Variants in LAG3 observed in about 807,000 individuals in gnomAD.
LAG3 encodes the protein lymphocyte activation gene 3 protein.
LAG3 carries 29 observed loss-of-function variants against 49.0 expected under a neutral mutation model. The observed-to-expected ratio is 0.59, with a 90% CI of 0.44 to 0.81. LAG3 has a LOEUF of 0.81. Among genes scored for constraint, LAG3 ranks in the 30% least tolerant of loss-of-function variants. LAG3 has a pLI of 0.00. For missense variants in LAG3, 693 were observed against 695.2 expected (o/e 1.00, Z 0.04); for synonymous variants, 320 against 297.3 (o/e 1.08, Z -0.79).
At position 6,773,092 on chromosome 12, in the gene LAG3, C is replaced by T. The variant is rs896378055; in HGVS notation, c.59-100C>T. On this transcript the variant is annotated intron_variant, in intron 1 of 7. Transcript: ENST00000203629. The surrounding 1 kb of genome is among the most constrained non-coding windows in gnomAD (Gnocchi z 5.5). ...AGAAGAAACAGAAACCCAAGTTCTTCCTGCACCCTGTTTCTCCCTCGGGAA... is the reference window on the plus strand; with the variant it reads ...AGAAGAAACAGAAACCCAAGTTCTTTCTGCACCCTGTTTCTCCCTCGGGAA... 8 of 1,463,014 alleles carry T rather than the reference C, an allele frequency of 5.5e-6. No homozygotes were observed. In the African/African-American group the frequency reaches 7.1e-5, roughly 13 times the overall value. 90.6% of individuals were successfully genotyped at this position (1,463,014 alleles called of 1,614,324 possible). A position where few individuals can be genotyped will look rare whatever the true frequency, so the allele number is the denominator to read the frequency against.
chr12:6,776,897 G>T (rs561631850), intron 5 of LAG3, among the ~76,000 whole-genome samples: 1 of 152,268 alleles, frequency 6.6e-6, no homozygotes, highest in Admixed American at 6.5e-5. Flanking sequence ...TAGGGAGCCT[G>T]GAAATGTTTT....
In LAG3 at chr12:6,773,981, T is replaced by A; in HGVS notation, c.491T>A (p.Leu164Gln). 1 of 1,441,004 alleles carries A rather than the reference T, an allele frequency of 6.9e-7. No homozygotes were observed. The highest frequency in any genetic ancestry group is 9.0e-7 in the Non-Finnish European group (1 of 1,105,628). The allele number at this position is 1,441,004 out of a possible 1,614,324, so 89.3% of individuals were successfully genotyped here. ...CGCGCCCTCTCCTGCCGCCTCCGTC[T>A]GCGCCTGGGCCAGGCCTCGAGTATG... ...RDRALSCRLR[L>Q]RLGQASMTAS... is the part of the protein sequence containing the mutation. The change falls in exon 3 of 8, where the codon CTG (leucine) becomes CAG (glutamine). Residue 164 changes from leucine to glutamine, a missense_variant. Coordinates refer to ENST00000203629, the MANE Select transcript of LAG3 (RefSeq NM_002286.6). This position sits in a 1 kb window ranked among gnomAD's most constrained non-coding sequence, Gnocchi z 5.5.
Position 6,775,132 on chromosome 12 carries a change from G to C in LAG3, c.782-141G>C, listed in dbSNP as rs935622356. On this transcript the variant is annotated intron_variant, in intron 4 of 7. Transcript: ENST00000203629. ...CTTGCTGGGTTTCTGAGCCTCCTCA[G>C]CTCATCACCTTATTCTGCTCCTTAG... 7 of 1,035,110 alleles carry C rather than the reference G, an allele frequency of 6.8e-6. No homozygotes were observed. The African/African-American group carries it at 9.6e-5, about 14-fold the overall frequency. 64.1% of individuals were successfully genotyped at this position (1,035,110 alleles called of 1,614,324 possible).
chr12:6,775,272 G>A lies in LAG3; in HGVS notation c.782-1G>A, dbSNP rs772698822. 6.2e-7 allele frequency: 1 copy of A among 1,612,302 alleles called. No individual in the cohort carries two copies. Among genetic ancestry groups the A allele is most frequent in the South Asian group, 1.1e-5 (1 of 91,038 alleles). ...AACTTTGGGTTTTCTTTTCTCTTCA[G>A]GTCTGGAGCCCCCAACTCCCTTGAC... is the stretch of plus-strand genomic sequence containing the variant. On this transcript the variant is annotated splice_acceptor_variant, in intron 4 of 7. Coordinates refer to ENST00000203629, the MANE Select transcript of LAG3 (RefSeq NM_002286.6). LOFTEE classifies it high-confidence loss of function.
intron 6 of LAG3, 56 bp downstream of exon 6, chr12:6,777,562 CT>C: frequency 3.8e-6 from 6 of 1,580,560 alleles, no homozygotes; most frequent in Non-Finnish European, 5.2e-6. Flanking sequence ...CTTTATCCTC[CT>C]TCCAGAACAG....
chr12:6,772,801 C>G lies in LAG3; in HGVS notation c.-52C>G. The G allele has an allele frequency of 1.9e-5, 17 of 882,932 alleles. No homozygotes were observed. The highest frequency in any genetic ancestry group is 3.0e-5 in the Non-Finnish European group (17 of 575,606). The allele number at this position is 882,932 out of a possible 1,614,324, so 54.7% of individuals were successfully genotyped here. A position where few individuals can be genotyped will look rare whatever the true frequency, so the allele number is the denominator to read the frequency against. Reference sequence around the variant, plus strand: ...CCCACCCCCCACCACTGCCCCCTTTCCTTTTCTGACCTCCTTTTGGAGGGC... The same window carrying G: ...CCCACCCCCCACCACTGCCCCCTTTGCTTTTCTGACCTCCTTTTGGAGGGC... On this transcript the variant is annotated 5_prime_UTR_variant, in exon 1 of 8. Transcript: ENST00000203629.
chr12:6,774,856 C>A lies in LAG3; in HGVS notation c.773C>A (p.Thr258Asn). ...GFNVSIMYNLTVLGLEPPTPL... is the reference protein window; with the variant it reads ...GFNVSIMYNLNVLGLEPPTPL... ...AACGTCTCCATCATGTATAACCTCA[C>A]TGTTCTGGGTAACTCCCCCACTCTG... The change falls in exon 4 of 8, where the codon ACT becomes AAT. Residue 258 changes from threonine (T) to asparagine (N), a missense_variant. Thr to Asn is a moderately conservative substitution (Grantham distance 65, BLOSUM62 0). Transcript: ENST00000203629. 6.2e-7 allele frequency: 1 copy of A among 1,613,400 alleles called. No individual in the cohort carries two copies. The highest frequency in any genetic ancestry group is 8.5e-7 in the Non-Finnish European group (1 of 1,179,420).
chr12:6,778,134 G>A (rs781241486), intron 7 of LAG3, 110 bp from the exon 8 acceptor site: 83 of 1,312,848 alleles, frequency 6.3e-5, no homozygotes, highest in Non-Finnish European at 7.5e-5. Context: ...CAGATGGGGA[G>A]GGCAGGGGCG....
intron 6 of LAG3, 99 bp downstream of exon 6, chr12:6,777,605 T>C: frequency 1.3e-6 from 2 of 1,503,012 alleles, no homozygotes; most frequent in South Asian, 2.5e-5. Flanking sequence ...CGCTTTTCTT[T>C]CCAGTCAGGG....
In LAG3 at chr12:6,772,843, C is replaced by T; in HGVS notation, c.-10C>T. On this transcript the variant is annotated 5_prime_UTR_variant, in exon 1 of 8. Transcript: ENST00000203629. The stretch of plus-strand genomic sequence containing the variant: ...TTGGAGGGCTCAGCGCTGCCCAGAC[C>T]ATAGGAGAGATGTGGGAGGCTCAGT... 6.2e-7 allele frequency: 1 copy of T among 1,613,004 alleles called. No individual in the cohort carries two copies. The highest frequency in any genetic ancestry group is 1.7e-4 in the Middle Eastern group (1 of 6,024).
At position 6,777,119 on chromosome 12, in the gene LAG3, G is replaced by A. The variant is rs1202604803; in HGVS notation, c.1058-145G>A. On this transcript the variant is annotated intron_variant, in intron 5 of 7. Coordinates refer to ENST00000203629, the MANE Select transcript of LAG3 (RefSeq NM_002286.6). ...AATAAATAGAAAGAAAAAGATGAAC[G>A]TGGCCATGACCCATGATGTCCTTCC... 10 of 768,062 alleles carry A rather than the reference G, an allele frequency of 1.3e-5. No homozygotes were observed. In the South Asian group the frequency reaches 1.4e-4, roughly 11 times the overall value. 47.6% of individuals were successfully genotyped at this position (768,062 alleles called of 1,614,324 possible).
rs529542446 is a variant in LAG3 at position 6,774,416 on chromosome 12, G to C, written c.512-179G>C. Among the ~76,000 whole-genome samples the C allele has an allele frequency of 6.6e-5, 10 of 152,304 alleles. No individual in the cohort carries two copies. In the East Asian group the frequency reaches 1.5e-3, roughly 23 times the overall value. On this transcript the variant is annotated intron_variant, in intron 3 of 7. Coordinates refer to ENST00000203629, the MANE Select transcript of LAG3 (RefSeq NM_002286.6). ...GGGAAAGTGGTCCTGGGGAGTCTTG[G>C]GGATCCACTTTATGCACCTCCAGGT... is the stretch of plus-strand genomic sequence containing the variant.
At chr12:6,775,235 G>A (rs758394704) in intron 4 of LAG3, 38 bp from the exon 5 acceptor site, 3 of 1,593,406 alleles carry the variant, frequency 1.9e-6, no homozygotes, top group Non-Finnish European at 2.6e-6. Context: ...CCCCACTGCA[G>A]CACCCAGCTT....
chr12:6,774,704 C>A lies in LAG3; in HGVS notation c.621C>A (p.Gly207=). Residue 207 remains glycine, a synonymous_variant, in exon 4 of 8, where the codon GGC becomes GGA. Transcript: ENST00000203629. Reference sequence around the variant, plus strand: ...CTGTGCATTGGTTCCGGAACCGGGGCCAGGGCCGAGTCCCTGTCCGGGAGT... The same window carrying A: ...CTGTGCATTGGTTCCGGAACCGGGGACAGGGCCGAGTCCCTGTCCGGGAGT... ...PASVHWFRNR[G]QGRVPVRESP... The A allele has an allele frequency of 6.2e-7, 1 of 1,614,190 alleles. No individual in the cohort carries two copies. The highest frequency in any genetic ancestry group is 1.1e-5 in the South Asian group (1 of 91,084).
rs184057011 is a variant in LAG3 at position 6,777,510 on chromosome 12, C to A, written c.1300+4C>A. 6.2e-7 allele frequency: 1 copy of A among 1,611,884 alleles called. No homozygotes were observed. Among genetic ancestry groups the A allele is most frequent in the Admixed American group, 1.7e-5 (1 of 59,838 alleles). ...TTCACAGAGCTGTCTAGCCCAGGTC[C>A]GAGGCCCCAGAATGCCAGGACCCAA... On this transcript the variant is annotated splice_donor_region_variant and intron_variant, in intron 6 of 7. Transcript: ENST00000203629.
In LAG3 at chr12:6,774,641, T is replaced by C. The variant is rs1350728080; in HGVS notation, c.558T>C (p.Ile186=). 6.2e-7 allele frequency: 1 copy of C among 1,614,122 alleles called. No homozygotes were observed. Among genetic ancestry groups the C allele is most frequent in the South Asian group, 1.1e-5 (1 of 91,086 alleles). The change falls in exon 4 of 8, where the codon ATT becomes ATC. Residue 186 remains isoleucine (I), a synonymous_variant. Transcript: ENST00000203629. ...CTCTCAGAGCCTCCGACTGGGTCAT[T>C]TTGAACTGCTCCTTCAGCCGCCCTG... ...PGSLRASDWV[I]LNCSFSRPDR...
Position 6,778,329 on chromosome 12 carries a change from C to A in LAG3, c.1517C>A (p.Pro506Gln). 6.2e-7 allele frequency: 1 copy of A among 1,612,784 alleles called. No individual in the cohort carries two copies. Among genetic ancestry groups the A allele is most frequent in the Non-Finnish European group, 8.5e-7 (1 of 1,179,638 alleles). ...QSKIEELEQE[P>Q]EPEPEPEPEP... ...AAGATAGAGGAGCTGGAGCAAGAAC[C>A]GGAGCCGGAGCCGGAGCCGGAACCG... is the stretch of plus-strand genomic sequence containing the variant. Residue 506 changes from proline (P) to glutamine (Q), a missense_variant, in exon 8 of 8, where the codon CCG (proline) becomes CAG (glutamine). Pro to Gln is a moderately conservative substitution (Grantham distance 76). Transcript: ENST00000203629.
Position 6,774,617 on chromosome 12 carries a change from T to G in LAG3, c.534T>G (p.Ser178=). 1.9e-6 allele frequency: 3 copies of G among 1,614,034 alleles called. No homozygotes were observed. Among genetic ancestry groups the G allele is most frequent in the Non-Finnish European group, 2.5e-6 (3 of 1,179,980 alleles). ...CAGTGACTGCCAGCCCCCCAGGATC[T>G]CTCAGAGCCTCCGACTGGGTCATTT... The part of the protein sequence containing the change: ...QASMTASPPG[S]LRASDWVILN... Residue 178 remains serine (S), a synonymous_variant, in exon 4 of 8, where the codon TCT becomes TCG. Coordinates refer to ENST00000203629, the MANE Select transcript of LAG3 (RefSeq NM_002286.6).
chr12:6,775,762 C>G, intron 5 of LAG3: 1 of 580,076 alleles, frequency 1.7e-6, no homozygotes, highest in Non-Finnish European at 3.1e-6. Flanking sequence ...GATAAAAGTT[C>G]CACCGTTCTC....
Sources: allele counts gnomAD v4.1 joint callset (sites outside exome capture counted in the v4.1 genomes callset), GRCh38; gene constraint gnomAD v4.1.1; non-coding constraint Gnocchi (gnomAD v3.1); transcripts MANE v1.5; gene names NCBI Gene and HGNC (gene_info 2026-07-23, HGNC 2026-07-21).